DPP6: variants seen among roughly 807,000 people sequenced by gnomAD.
DPP6 encodes the protein A-type potassium channel modulatory protein DPP6.
In DPP6, 69 loss-of-function variants were observed where a neutral mutation model predicts 122.6. The observed-to-expected ratio is 0.56, with a 90% confidence interval of 0.46 to 0.69. DPP6 has a LOEUF of 0.69. DPP6 is among the 30% of genes least tolerant of loss of function. DPP6 has a pLI of 0.00. For synonymous variants in DPP6, 418 were observed against 433.1 expected (o/e 0.97, Z 0.43); for missense variants, 928 against 1,116.9 (o/e 0.83, Z 2.41).
chr7:154,334,076 G>A (rs778574355), intron 1 of DPP6, among the ~76,000 whole-genome samples: 1 of 151,708 alleles, frequency 6.6e-6, no homozygotes, highest in Admixed American at 6.6e-5. Context: ...AAATTATTCC[G>A]GTTATAGGTG....
chr7:154,548,286 C>G (rs1043473326), intron 4 of DPP6, among the ~76,000 whole-genome samples: 1 of 141,804 alleles, frequency 7.1e-6, no homozygotes, highest in African/African-American at 2.6e-5. Flanking sequence ...GAAAAGAGGC[C>G]GGGCGCAGTG....
intron 1 of DPP6, among the ~76,000 whole-genome samples, chr7:153,903,047 C>A (rs1799704333): frequency 6.6e-6 from 1 of 152,194 alleles, no homozygotes; most frequent in East Asian, 1.9e-4. Flanking sequence ...GAGCCTGTCC[C>A]AGGCTTGCAG....
chr7:154,547,717 T>A (rs1172528142), intron 4 of DPP6, among the ~76,000 whole-genome samples: 1 of 152,212 alleles, frequency 6.6e-6, no homozygotes, highest in Admixed American at 6.5e-5. Flanking sequence ...TTTGTCCCCC[T>A]ATGTCATTAT....
At chr7:154,806,219 T>C (rs946658973) in intron 15 of DPP6, among the ~76,000 whole-genome samples, 3 of 152,252 alleles carry the variant, frequency 2.0e-5, no homozygotes, top group Non-Finnish European at 2.9e-5. Context: ...CTCTCTCCCG[T>C]GAAATATCTT....
intron 1 of DPP6, among the ~76,000 whole-genome samples, chr7:153,957,502 G>A (rs1406173044): frequency 6.6e-6 from 1 of 152,242 alleles, no homozygotes; most frequent in Non-Finnish European, 1.5e-5. Context: ...AGAAGTTGGA[G>A]CAGTAAAGCT....
At chr7:153,824,700 TAAAAAA>T in the DPP6 span, among the ~76,000 whole-genome samples, 1 of 142,662 alleles carries the variant, frequency 7.0e-6, no homozygotes, top group African/African-American at 2.6e-5. Flanking sequence ...AACATAAAAA[TAAAAAA>T]AAAAAGATGT....
chr7:154,320,658 G>A (rs1220992756), intron 1 of DPP6, among the ~76,000 whole-genome samples: 5 of 151,974 alleles, frequency 3.3e-5, no homozygotes, highest in Non-Finnish European at 5.9e-5. Flanking sequence ...CTAATTTTTT[G>A]TACTTTTAGT....
intron 1 of DPP6, among the ~76,000 whole-genome samples, chr7:153,997,593 G>GCACA (rs3980023): frequency 0.28 from 41,066 of 146,006 alleles, 5,949 homozygotes; most frequent in East Asian, 0.39. Context: ...TGAGTGCACA[G>GCACA]CACACACACA....
chr7:153,886,842 T>A (rs1474871538), upstream of DPP6, among the ~76,000 whole-genome samples: 2 of 152,118 alleles, frequency 1.3e-5, no homozygotes, highest in African/African-American at 4.8e-5. Context: ...GTCTGGCTCT[T>A]CCCGGCCTCT....
intron 1 of DPP6, among the ~76,000 whole-genome samples, chr7:154,351,597 G>T (rs1224696797): frequency 6.6e-6 from 1 of 152,168 alleles, no homozygotes; most frequent in Non-Finnish European, 1.5e-5. Flanking sequence ...CCTGCATCTA[G>T]CAGGGTGTAC....
intron 1 of DPP6, among the ~76,000 whole-genome samples, chr7:153,956,468 A>G (rs1477536193): frequency 6.6e-6 from 1 of 152,218 alleles, no homozygotes; most frequent in East Asian, 1.9e-4. Flanking sequence ...TAGAAAGCCC[A>G]GGTGATAGGT....
chr7:154,377,075 A>G (rs942028081), intron 1 of DPP6, among the ~76,000 whole-genome samples: 1 of 152,216 alleles, frequency 6.6e-6, no homozygotes, highest in African/African-American at 2.4e-5. Flanking sequence ...GTGCTTAAGA[A>G]GAGTTCTGAG....
intron 12 of DPP6, among the ~76,000 whole-genome samples, chr7:154,798,394 C>A (rs1411558528): frequency 1.3e-5 from 2 of 152,154 alleles, no homozygotes; most frequent in African/African-American, 4.8e-5. Context: ...ATTCCAGAAA[C>A]CAGATCCTTC....
intron 16 of DPP6, among the ~76,000 whole-genome samples, chr7:154,827,473 G>T (rs548650739): frequency 6.6e-6 from 1 of 152,086 alleles, no homozygotes; most frequent in Non-Finnish European, 1.5e-5. Context: ...GCATCTGCCC[G>T]CCTGGGAGCA....
intron 16 of DPP6, among the ~76,000 whole-genome samples, chr7:154,824,971 G>A (rs1468814110): frequency 6.6e-6 from 1 of 152,180 alleles, no homozygotes; most frequent in Non-Finnish European, 1.5e-5. Context: ...AGTTCTTCCA[G>A]TATTTCAGCA....
At chr7:153,831,695 A>G in the DPP6 span, among the ~76,000 whole-genome samples, 1 of 152,136 alleles carries the variant, frequency 6.6e-6, no homozygotes, top group Non-Finnish European at 1.5e-5. Flanking sequence ...TGTTTTTTTA[A>G]TTTTGTTATA....
intron 2 of DPP6, among the ~76,000 whole-genome samples, chr7:154,473,305 C>T (rs1325696170): frequency 6.6e-6 from 1 of 152,204 alleles, no homozygotes; most frequent in Non-Finnish European, 1.5e-5. Flanking sequence ...GCTTCAGCCA[C>T]ACCTAGAAAG....
At chr7:154,751,959 G>C (rs1255449140) in intron 8 of DPP6, among the ~76,000 whole-genome samples, 14 of 152,160 alleles carry the variant, frequency 9.2e-5, no homozygotes, top group Admixed American at 9.2e-4. Flanking sequence ...CCAAGAGAGG[G>C]TTCTTGGGTC....
At chr7:154,394,360 C>A (rs1275101230) in intron 1 of DPP6, among the ~76,000 whole-genome samples, 1 of 152,120 alleles carries the variant, frequency 6.6e-6, no homozygotes, top group Non-Finnish European at 1.5e-5. Flanking sequence ...AGCATCATTT[C>A]ATATGCTATT....
Sources: gnomAD v4.1 joint callset for allele counts (sites outside exome capture counted in the v4.1 genomes callset) on GRCh38, gnomAD v4.1.1 for gene constraint, MANE v1.5 for transcripts, NCBI Gene and HGNC (gene_info 2026-07-23, HGNC 2026-07-21) for gene names.